Variants in FREM1 observed in about 807,000 individuals in gnomAD.
FREM1 encodes the protein FRAS1-related extracellular matrix protein 1.
A neutral mutation model predicts 210.1 loss-of-function variants in FREM1; 220 were observed. The observed-to-expected ratio is 1.05, with a 90% confidence interval of 0.94 to 1.17. The LOEUF (loss-of-function observed/expected upper bound fraction) is 1.17. FREM1 is among the 50% of genes most tolerant of loss of function. The pLI, the probability that FREM1 is intolerant of heterozygous loss-of-function variation, is 0.00. For missense variants in FREM1, 3,454 were observed against 2,675.5 expected, an observed-to-expected ratio of 1.29 and a Z score of -6.42; for synonymous variants, 1,189 against 980.2, an observed-to-expected ratio of 1.21 and a Z score of -3.98.
Position 14,819,218 on chromosome 9 carries a change from C to T in FREM1, c.2546+16G>A. 6.4e-7 allele frequency: 1 copy of T among 1,555,318 alleles called. No homozygotes were observed. Among genetic ancestry groups the T allele is most frequent in the Non-Finnish European group, 8.8e-7 (1 of 1,142,672 alleles). ...AACTAAAGCATGTAAATAAAAAAAC[C>T]ATGAAATGTTCTAACCTAACTTTTA... is the stretch of plus-strand genomic sequence containing the variant. On this transcript the variant is annotated intron_variant, in intron 14 of 36. Coordinates refer to ENST00000380880, the MANE Select transcript of FREM1 (RefSeq NM_001379081.2).
chr9:14,868,713 G>A (rs1368311834), intron 2 of FREM1, 31 bp downstream of exon 2: 3 of 1,385,794 alleles, frequency 2.2e-6, no homozygotes, highest in Non-Finnish European at 3.0e-6. Flanking sequence ...TCATACACAC[G>A]ACTGAACAGA....
At position 14,750,152 on chromosome 9, in the gene FREM1, T is replaced by G. The variant is rs1249507655; in HGVS notation, c.5532A>C (p.Ala1844=). Reference sequence around the variant, plus strand: ...CTCCTTTTGAGTCCAAAATTTTCACTGCAGCTTTTGTCTTTGTGCCAAGAA... The same window carrying G: ...CTCCTTTTGAGTCCAAAATTTTCACGGCAGCTTTTGTCTTTGTGCCAAGAA... ...NAVLGTKTKA[A]VKILDSKGGQ... The change falls in exon 30 of 37, where the codon GCA becomes GCC. Residue 1844 remains alanine, a synonymous_variant. Coordinates refer to ENST00000380880, the MANE Select transcript of FREM1 (RefSeq NM_001379081.2). 6.2e-7 allele frequency: 1 copy of G among 1,613,830 alleles called. No individual in the cohort carries two copies. The highest frequency in any genetic ancestry group is 1.3e-5 in the African/African-American group (1 of 75,062).
At chr9:14,843,267 CA>C (rs1310844235) in intron 8 of FREM1, among the ~76,000 whole-genome samples, 2 of 152,130 alleles carry the variant, frequency 1.3e-5, no homozygotes, top group Non-Finnish European at 1.5e-5. Context: ...TTTGTGCCTC[CA>C]CCCTCCACCT....
At chr9:14,770,540 T>C in intron 26 of FREM1, 65 bp downstream of exon 26, 1 of 1,230,944 alleles carries the variant, frequency 8.1e-7, no homozygotes, top group Non-Finnish European at 1.2e-6. Flanking sequence ...ATTAAATTAC[T>C]CTCTAGCCCT....
rs1049876248 is a variant in FREM1 at position 14,747,397 on chromosome 9, T to C, written c.5876A>G (p.Asp1959Gly). 1 of 1,613,478 alleles carries C rather than the reference T, an allele frequency of 6.2e-7. No homozygotes were observed. ...YHGIVSLKLE[D>G]DSFPTHKRKA... ...CCTTTTGTGAGTTGGGAAACTGTCA[T>C]CCTCCAGTTTCAAGGAAACTATCCC... The change falls in exon 33 of 37, where the codon GAT becomes GGT. Residue 1959 changes from aspartate (D) to glycine (G), a missense_variant. Physicochemically the swap from Asp to Gly is moderately conservative, Grantham distance 94 (BLOSUM62 -1). Transcript: ENST00000380880.
intron 24 of FREM1, chr9:14,779,386 G>A (rs1189807031): frequency 2.0e-6 from 1 of 510,084 alleles, no homozygotes. Flanking sequence ...TTAAAAGTAT[G>A]TCAAATATCA....
At chr9:14,808,669 A>T (rs1818812595) in intron 16 of FREM1, among the ~76,000 whole-genome samples, 1 of 152,206 alleles carries the variant, frequency 6.6e-6, no homozygotes, top group African/African-American at 2.4e-5. Flanking sequence ...CTTATTATAT[A>T]TTAGCCAGGA....
chr9:14,762,606 T>A (rs889979488), intron 27 of FREM1, among the ~76,000 whole-genome samples: 4 of 152,170 alleles, frequency 2.6e-5, no homozygotes, highest in Non-Finnish European at 5.9e-5. Flanking sequence ...ATGCTCTATT[T>A]TATTTTCTTA....
rs192635230 is a variant in FREM1, at chr9:14,766,044, T to G, written c.5204+3680A>C. On this transcript the variant is annotated intron_variant, in intron 27 of 36. Coordinates refer to ENST00000380880, the MANE Select transcript of FREM1 (RefSeq NM_001379081.2). ...GGACTAGAAAACAGGCACAAGCTTGTCAAGGGGTGCAGCCAGGGGGTGAGG... is the reference window on the plus strand; with the variant it reads ...GGACTAGAAAACAGGCACAAGCTTGGCAAGGGGTGCAGCCAGGGGGTGAGG... Among the ~76,000 whole-genome samples, 432 of 152,124 alleles carry G rather than the reference T, an allele frequency of 2.8e-3. 2 individuals are homozygous for G. The highest frequency in any genetic ancestry group is 4.2e-3 in the Admixed American group (64 of 15,288).
At chr9:14,799,104 C>A (rs1307757275) in intron 20 of FREM1, among the ~76,000 whole-genome samples, 1 of 152,080 alleles carries the variant, frequency 6.6e-6, no homozygotes. Flanking sequence ...CACAGGGAGA[C>A]CCTGTCTCTA....
chr9:14,815,218 C>G (rs1432553177), intron 15 of FREM1, among the ~76,000 whole-genome samples: 2 of 152,134 alleles, frequency 1.3e-5, no homozygotes, highest in African/African-American at 4.8e-5. Flanking sequence ...GGAAAGAACA[C>G]TGACCTAGGT....
At chr9:14,797,751 T>C (rs897065934) in intron 20 of FREM1, 109 bp from the exon 21 acceptor site, 2 of 893,826 alleles carry the variant, frequency 2.2e-6, no homozygotes, top group Admixed American at 3.8e-5. Flanking sequence ...CAAGAGTTCA[T>C]TTATCAGTGC....
rs774618103 is a variant in FREM1, at chr9:14,765,473, T to C, written c.5204+4251A>G. 6.6e-4 allele frequency among the ~76,000 whole-genome samples: 100 copies of C among 152,128 alleles called. 3 individuals carry two copies. The highest frequency in any genetic ancestry group is 5.6e-3 in the Admixed American group (85 of 15,234). On this transcript the variant is annotated intron_variant, in intron 27 of 36. Transcript: ENST00000380880. ...CATGTAAAATGATTAAAATTAAAAT[T>C]AGTTAGTATGTATAAAGCACCTGTA...
intron 1 of FREM1, among the ~76,000 whole-genome samples, chr9:14,903,044 C>T (rs998682137): frequency 1.3e-5 from 2 of 152,200 alleles, no homozygotes; most frequent in Non-Finnish European, 2.9e-5. Flanking sequence ...TGATAAATCA[C>T]CCTCGAGTGA....
chr9:14,832,671 G>A (rs1355292896), intron 10 of FREM1, among the ~76,000 whole-genome samples: 13 of 152,100 alleles, frequency 8.5e-5, no homozygotes, highest in Admixed American at 5.9e-4. Flanking sequence ...TTGAGCTAGC[G>A]GGGAGGGAAC....
rs1167655456 is a variant in FREM1 at position 14,836,055 on chromosome 9, GA to G, written c.1881+5391del. ...TATCTTGCAACTTCTGCCGGGTAAT[GA>G]AAAGTGAGTAAGGTGCCCATAACTC... On this transcript the variant is annotated intron_variant, in intron 10 of 36. Transcript: ENST00000380880. The surrounding 1 kb of genome is among the most constrained non-coding windows in gnomAD (Gnocchi z 4.9). Among the ~76,000 whole-genome samples the G allele has an allele frequency of 2.7e-4, 41 of 152,318 alleles. No individual in the cohort carries two copies. The highest frequency in any genetic ancestry group is 2.3e-3 in the South Asian group (11 of 4,826).
Position 14,769,706 on chromosome 9 carries a change from A to T in FREM1, c.5204+18T>A. On this transcript the variant is annotated intron_variant, in intron 27 of 36. Coordinates refer to ENST00000380880, the MANE Select transcript of FREM1 (RefSeq NM_001379081.2). ...TGGATGTAACATATAGGACTACTGA[A>T]TAAGCAAGAGAATTTACATTTGAGG... 3 of 1,611,234 alleles carry T rather than the reference A, an allele frequency of 1.9e-6. No individual in the cohort carries two copies. Among genetic ancestry groups the T allele is most frequent in the Non-Finnish European group, 2.5e-6 (3 of 1,178,396 alleles).
chr9:14,750,108 A>G lies in FREM1; in HGVS notation c.5557+19T>C. 1 of 1,612,638 alleles carries G rather than the reference A, an allele frequency of 6.2e-7. No individual in the cohort carries two copies. The highest frequency in any genetic ancestry group is 8.5e-7 in the Non-Finnish European group (1 of 1,179,446). ...CGCCAGGACCGCTCCTGATTTCAAGATGAGGATCAAAAGAATACCTCCTTT... is the reference window on the plus strand; with the variant it reads ...CGCCAGGACCGCTCCTGATTTCAAGGTGAGGATCAAAAGAATACCTCCTTT... On this transcript the variant is annotated intron_variant, in intron 30 of 36. Coordinates refer to ENST00000380880, the MANE Select transcript of FREM1 (RefSeq NM_001379081.2).
rs1840566487 is a variant in FREM1 at position 14,737,311 on chromosome 9, T to G, written c.*85A>C. ...AGGTATACCCACTCAATCATAACAA[T>G]TTGTTTTCTATGGAGCAATATTCAC... On this transcript the variant is annotated 3_prime_UTR_variant, in exon 37 of 37. Coordinates refer to ENST00000380880, the MANE Select transcript of FREM1 (RefSeq NM_001379081.2). The G allele has an allele frequency of 7.0e-6, 7 of 999,042 alleles. No homozygotes were observed. Among genetic ancestry groups the G allele is most frequent in the Non-Finnish European group, 1.0e-5 (7 of 674,816 alleles). 61.9% of individuals were successfully genotyped at this position (999,042 alleles called of 1,614,324 possible). A position where few individuals can be genotyped will look rare whatever the true frequency, so the allele number is the denominator to read the frequency against.
Sources: allele counts gnomAD v4.1 joint callset (sites outside exome capture counted in the v4.1 genomes callset), GRCh38; gene constraint gnomAD v4.1.1; non-coding constraint Gnocchi (gnomAD v3.1); transcripts MANE v1.5; gene names NCBI Gene and HGNC (gene_info 2026-07-23, HGNC 2026-07-21).